The following ZNF862 variants were observed in gnomAD, a reference collection of about 807,000 sequenced individuals.
The protein encoded by ZNF862 is zinc finger protein 862.
A neutral mutation model predicts 91.1 loss-of-function variants in ZNF862; 64 were observed. The ratio of observed to expected loss-of-function variants is 0.70; its 90% CI spans 0.57 to 0.87. The LOEUF is 0.87. ZNF862 is among the 40% of genes least tolerant of loss of function. The pLI is 0.00. For synonymous variants in ZNF862, 631 were observed against 618.1 expected, an observed-to-expected ratio of 1.02 and a Z score of -0.31; for missense variants, 1,459 against 1,528.0, an observed-to-expected ratio of 0.95 and a Z score of 0.75.
rs1802633274 is a variant in ZNF862, at chr7:149,864,248, TC to T, written c.3478del (p.His1160ThrfsTer25). ...TGGAGCCTCCCGAGAGACTCCTGTA[TC>T]CCCACACCAGCCAGGAGGCCCCCGG... is the stretch of plus-strand genomic sequence containing the variant. ...IMEPPERLLY[P>X]HTSQEAPGMS is the part of the protein sequence containing the mutation. On this transcript the variant is annotated frameshift_variant, in exon 8 of 8. Transcript: ENST00000223210. LOFTEE classifies it low-confidence loss of function (END_TRUNC). 2.5e-6 allele frequency: 4 copies of T among 1,603,606 alleles called. No homozygotes were observed. Among genetic ancestry groups the T allele is most frequent in the Non-Finnish European group, 3.4e-6 (4 of 1,175,844 alleles).
chr7:149,859,639 C>A, intron 6 of ZNF862, 113 bp downstream of exon 6: 2 of 854,702 alleles, frequency 2.3e-6, no homozygotes, highest in Non-Finnish European at 3.6e-6. Context: ...GATTGGGCAC[C>A]AAGCCTGGCA....
chr7:149,841,782 T>G (rs1221945331), intron 1 of ZNF862: 1 of 982,042 alleles, frequency 1.0e-6, no homozygotes, highest in Non-Finnish European at 1.2e-6. Flanking sequence ...TGACTGATAC[T>G]CCTTTCTCAT....
At position 149,848,397 on chromosome 7, in the gene ZNF862, A is replaced by G. The variant is rs913247563; in HGVS notation, c.904A>G (p.Ile302Val). Reference sequence around the variant, plus strand: ...CATCCACAGCTCCTCAGACATTAATATTTTATATAATGATGCAGTAGAATC... The same window carrying G: ...CATCCACAGCTCCTCAGACATTAATGTTTTATATAATGATGCAGTAGAATC... ...DGIHSSSDIN[I>V]LYNDAVESCI... The change falls in exon 4 of 8, where the codon ATT (isoleucine) becomes GTT (valine). Residue 302 changes from isoleucine to valine, a missense_variant. Coordinates refer to ENST00000223210, the MANE Select transcript of ZNF862 (RefSeq NM_001099220.3). 2.5e-6 allele frequency: 4 copies of G among 1,577,400 alleles called. No individual in the cohort carries two copies. The highest frequency in any genetic ancestry group is 3.4e-6 in the Non-Finnish European group (4 of 1,161,182).
At position 149,866,579 on chromosome 7, in the gene ZNF862, CCTCTCCA is replaced by C. The variant is rs1802735382; in HGVS notation, c.*2297_*2303del. On this transcript the variant is annotated 3_prime_UTR_variant, in exon 8 of 8. Coordinates refer to ENST00000223210, the MANE Select transcript of ZNF862 (RefSeq NM_001099220.3). ...GTGGAAGCTAGGGGAAGCAACTCGC[CCTCTCCA>C]CGTCAGCATCAGCGTGCTCCGAGGA... 6.6e-6 allele frequency: 1 copy of C among 152,160 alleles called. No individual in the cohort carries two copies. Among genetic ancestry groups the C allele is most frequent in the Non-Finnish European group, 1.5e-5 (1 of 68,068 alleles). The allele number at this position is 152,160 out of a possible 1,614,324, so 9.4% of individuals were successfully genotyped here. A position where few individuals can be genotyped will look rare whatever the true frequency, so the allele number is the denominator to read the frequency against.
rs1407396874 is a variant in ZNF862, at chr7:149,865,178, G to T, written c.*894G>T. On this transcript the variant is annotated 3_prime_UTR_variant, in exon 8 of 8. Transcript: ENST00000223210. ...CCCATCTGCCCTAGGATTAGTGAAT[G>T]AGAGCCTCGAGCTCCCTCAAAGACC... 1 of 152,250 alleles carries T rather than the reference G, an allele frequency of 6.6e-6. No homozygotes were observed. The highest frequency in any genetic ancestry group is 1.5e-5 in the Non-Finnish European group (1 of 68,056). The allele number at this position is 152,250 out of a possible 1,614,324, so 9.4% of individuals were successfully genotyped here. A position where few individuals can be genotyped will look rare whatever the true frequency, so the allele number is the denominator to read the frequency against.
Position 149,850,583 on chromosome 7 carries a change from A to G in ZNF862, c.1117+245A>G, listed in dbSNP as rs1212430127. 12 of 476,510 alleles carry G rather than the reference A, an allele frequency of 2.5e-5. No individual in the cohort carries two copies. The highest frequency in any genetic ancestry group is 3.9e-5 in the African/African-American group (2 of 50,956). The allele number at this position is 476,510 out of a possible 1,614,324, so 29.5% of individuals were successfully genotyped here. A position where few individuals can be genotyped will look rare whatever the true frequency, so the allele number is the denominator to read the frequency against. On this transcript the variant is annotated intron_variant, in intron 5 of 7. Coordinates refer to ENST00000223210, the MANE Select transcript of ZNF862 (RefSeq NM_001099220.3). This position sits in a 1 kb window ranked among gnomAD's most constrained non-coding sequence, Gnocchi z 4.2. ...CATTTTGGAGTACCTACTATGTGCC[A>G]GATGAACACAGCTGATCCATGGTCT...
At chr7:149,838,979 C>T (rs1017208979) in intron 1 of ZNF862, among the ~76,000 whole-genome samples, 6 of 152,222 alleles carry the variant, frequency 3.9e-5, no homozygotes, top group Non-Finnish European at 5.9e-5. Flanking sequence ...GGCTTGGAGT[C>T]TGGATCGGAC....
chr7:149,853,121 C>G (rs563417333), intron 5 of ZNF862, among the ~76,000 whole-genome samples: 30 of 152,296 alleles, frequency 2.0e-4, no homozygotes, highest in Middle Eastern at 3.4e-3. Context: ...TGGGGTCTCT[C>G]TATATTGCCC....
At chr7:149,851,825 A>G (rs1290847000) in intron 5 of ZNF862, 3 of 152,250 alleles carry the variant, frequency 2.0e-5, no homozygotes, top group Admixed American at 2.0e-4. Context: ...ATTTGGATGA[A>G]CAAAAAATGT....
In ZNF862 at chr7:149,841,210, A is replaced by G. The variant is rs113248950; in HGVS notation, c.24+2575A>G. 1,867 of 985,442 alleles carry G rather than the reference A, an allele frequency of 1.9e-3. 24 individuals are homozygous for G. The African/African-American group carries it at 0.028, about 15-fold the overall frequency. 61.0% of individuals were successfully genotyped at this position (985,442 alleles called of 1,614,324 possible). A position where few individuals can be genotyped will look rare whatever the true frequency, so the allele number is the denominator to read the frequency against. On this transcript the variant is annotated intron_variant, in intron 1 of 7. Transcript: ENST00000223210. ...CAACTCCACTCCGAACAGCATTCTT[A>G]TGGCTCAGAACTGGGAGACTACCTC...
rs1801807525 is a variant in ZNF862 at position 149,844,547 on chromosome 7, C to T, written c.25-78C>T. 19 of 1,044,796 alleles carry T rather than the reference C, an allele frequency of 1.8e-5. No individual in the cohort carries two copies. The South Asian group carries it at 2.8e-4, about 15-fold the overall frequency. 64.7% of individuals were successfully genotyped at this position (1,044,796 alleles called of 1,614,324 possible). On this transcript the variant is annotated intron_variant, in intron 1 of 7. Transcript: ENST00000223210. ...AACACCCCTCCCCGTGTAGGGTGCC[C>T]TCAGGTGGTCAGGAACACTTTTGGA...
At position 149,861,702 on chromosome 7, in the gene ZNF862, C is replaced by T. The variant is rs768419444; in HGVS notation, c.2542C>T (p.Leu848=). Residue 848 remains leucine (L), a synonymous_variant, in exon 7 of 8, where the codon CTG becomes TTG. Transcript: ENST00000223210. The surrounding 1 kb of genome is among the most constrained non-coding windows in gnomAD (Gnocchi z 6.7). Reference sequence around the variant, plus strand: ...GTTCTGCCACTTCCTGTTGGACTTCCTGAGCATCTACAGGCCTCTGTCCGA... The same window carrying T: ...GTTCTGCCACTTCCTGTTGGACTTCTTGAGCATCTACAGGCCTCTGTCCGA... ...VKFCHFLLDF[L]SIYRPLSEVC... is the part of the protein sequence containing the mutation. 6.2e-7 allele frequency: 1 copy of T among 1,613,214 alleles called. No individual in the cohort carries two copies. The highest frequency in any genetic ancestry group is 1.7e-4 in the Middle Eastern group (1 of 6,060).
chr7:149,863,235 A>G (rs986390459), intron 7 of ZNF862, among the ~76,000 whole-genome samples: 9 of 152,208 alleles, frequency 5.9e-5, no homozygotes, highest in African/African-American at 2.2e-4. Context: ...AAATATGCCC[A>G]TTGTTGGGGT....
At chr7:149,842,255 T>A (rs1344588760) in intron 1 of ZNF862, among the ~76,000 whole-genome samples, 1 of 152,168 alleles carries the variant, frequency 6.6e-6, no homozygotes, top group Non-Finnish European at 1.5e-5. Flanking sequence ...ATTAAAATGA[T>A]ATGAATCTGG....
In ZNF862 at chr7:149,847,915, A is replaced by C; in HGVS notation, c.422A>C (p.Lys141Thr). The C allele has an allele frequency of 1.2e-6, 2 of 1,606,960 alleles. No homozygotes were observed. The highest frequency in any genetic ancestry group is 2.2e-5 in the South Asian group (2 of 90,050). ...CTTCTGAAGCCCCGGTCCATCCAGA[A>C]GTCGTGGTTTGTGCAGTTTCCGTGG... is the stretch of plus-strand genomic sequence containing the variant. ...RKLLKPRSIQKSWFVQFPWLI... is the reference protein window; with the variant it reads ...RKLLKPRSIQTSWFVQFPWLI... The change falls in exon 4 of 8, where the codon AAG becomes ACG. Residue 141 changes from lysine (K) to threonine (T), a missense_variant. Coordinates refer to ENST00000223210, the MANE Select transcript of ZNF862 (RefSeq NM_001099220.3).
intron 2 of ZNF862, among the ~76,000 whole-genome samples, chr7:149,845,938 T>G (rs1205460374): frequency 1.3e-5 from 2 of 152,132 alleles, no homozygotes; most frequent in Non-Finnish European, 2.9e-5. Context: ...TTTCTCCTAG[T>G]CTCCTATTCT....
At chr7:149,854,000 GT>G (rs1165504978) in intron 5 of ZNF862, among the ~76,000 whole-genome samples, 6 of 151,238 alleles carry the variant, frequency 4.0e-5, no homozygotes, top group South Asian at 2.1e-4. Flanking sequence ...ACAAAGTCCT[GT>G]TCCCCAGAAT....
At position 149,865,584 on chromosome 7, in the gene ZNF862, A is replaced by T. The variant is rs972164817; in HGVS notation, c.*1300A>T. ...GTGAAGCACTTTTCCTTCCAAGGGCAGCTCCGTCTTGGCAGGCTCAGGAGG... is the reference window on the plus strand; with the variant it reads ...GTGAAGCACTTTTCCTTCCAAGGGCTGCTCCGTCTTGGCAGGCTCAGGAGG... On this transcript the variant is annotated 3_prime_UTR_variant, in exon 8 of 8. Transcript: ENST00000223210. 6.6e-6 allele frequency: 1 copy of T among 152,226 alleles called. No individual in the cohort carries two copies. Among genetic ancestry groups the T allele is most frequent in the Non-Finnish European group, 1.5e-5 (1 of 68,084 alleles). The allele number at this position is 152,226 out of a possible 1,614,324, so 9.4% of individuals were successfully genotyped here.
intron 2 of ZNF862, among the ~76,000 whole-genome samples, chr7:149,845,709 C>G (rs1171011123): frequency 6.6e-6 from 1 of 152,186 alleles, no homozygotes; most frequent in Non-Finnish European, 1.5e-5. Context: ...TTTCTGGCAT[C>G]TCTTGACAAA....
Sources: allele counts gnomAD v4.1 joint callset (sites outside exome capture counted in the v4.1 genomes callset), GRCh38; gene constraint gnomAD v4.1.1; non-coding constraint Gnocchi (gnomAD v3.1); transcripts MANE v1.5; gene names NCBI Gene and HGNC (gene_info 2026-07-23, HGNC 2026-07-21).